FHIT: variants seen among roughly 807,000 people sequenced by gnomAD.
FHIT encodes fragile histidine triad diadenosine triphosphatase.
Under a neutral mutation model 17.9 loss-of-function variants are expected in FHIT, and 19 were observed. The observed-to-expected ratio is 1.06, with a 90% CI of 0.74 to 1.56. The LOEUF (loss-of-function observed/expected upper bound fraction) is 1.56, where lower values mean the gene tolerates loss of function less well. FHIT is among the 40% of genes most tolerant of loss of function. FHIT has a pLI of 0.00. For missense variants in FHIT, 248 were observed against 189.2 expected, an observed-to-expected ratio of 1.31 and a Z score of -1.82; for synonymous variants, 81 against 69.7, an observed-to-expected ratio of 1.16 and a Z score of -0.81.
chr3:60,247,202 A>G (rs772817181), intron 5 of FHIT, among the ~76,000 whole-genome samples: 5 of 132,000 alleles, frequency 3.8e-5, no homozygotes, highest in Non-Finnish European at 4.8e-5. Context: ...CTATAAACCT[A>G]AAACTGTTCT....
chr3:60,284,936 T>C (rs961919196), intron 5 of FHIT, among the ~76,000 whole-genome samples: 1 of 152,200 alleles, frequency 6.6e-6, no homozygotes, highest in African/African-American at 2.4e-5. Flanking sequence ...TTTTGATTAT[T>C]GTACCACCAC....
intron 3 of FHIT, among the ~76,000 whole-genome samples, chr3:60,918,668 C>A (rs1390371184): frequency 6.6e-6 from 1 of 152,098 alleles, no homozygotes; most frequent in African/African-American, 2.4e-5. Context: ...ACAGCAGGGG[C>A]AGACACATAG....
chr3:60,200,821 A>G (rs1415408531), intron 5 of FHIT, among the ~76,000 whole-genome samples: 2 of 152,138 alleles, frequency 1.3e-5, no homozygotes, highest in Middle Eastern at 3.2e-3. Flanking sequence ...GACACCACAC[A>G]CTGGCATCTA....
intron 5 of FHIT, among the ~76,000 whole-genome samples, chr3:60,419,796 G>T (rs1482775898): frequency 6.6e-6 from 1 of 152,116 alleles, no homozygotes; most frequent in Non-Finnish European, 1.5e-5. Flanking sequence ...CTTTAAAAAG[G>T]TATCAATTAG....
In FHIT at chr3:60,831,389, A is replaced by C. The variant is rs557618657; in HGVS notation, c.-110-9378T>G. 4.6e-5 allele frequency among the ~76,000 whole-genome samples: 7 copies of C among 152,318 alleles called. No individual in the cohort carries two copies. The East Asian group carries it at 1.2e-3, about 25-fold the overall frequency. Reference sequence around the variant, plus strand: ...GCCAATTACTTCAGCACCAAGGTACATCCTAAATCTCTGGACTTGGCAGTT... The same window carrying C: ...GCCAATTACTTCAGCACCAAGGTACCTCCTAAATCTCTGGACTTGGCAGTT... On this transcript the variant is annotated intron_variant, in intron 3 of 9. Coordinates refer to ENST00000492590, the MANE Select transcript of FHIT (RefSeq NM_002012.4).
chr3:60,256,796 A>AT (rs1706017645), intron 5 of FHIT, among the ~76,000 whole-genome samples: 1 of 152,108 alleles, frequency 6.6e-6, no homozygotes, highest in Non-Finnish European at 1.5e-5. Context: ...AATCTCCTTA[A>AT]TATCTCTAGT....
intron 8 of FHIT, among the ~76,000 whole-genome samples, chr3:59,795,379 G>A (rs539635364): frequency 9.1e-6 from 1 of 109,618 alleles, no homozygotes; most frequent in South Asian, 3.2e-4. Context: ...GCAAGACCCT[G>A]TCTCGAAAAA....
rs978335958 is a variant in FHIT, at chr3:60,556,765, A to T, written c.-17-19786T>A. 2.4e-4 allele frequency among the ~76,000 whole-genome samples: 37 copies of T among 152,214 alleles called. 1 individual carries two copies. The highest frequency in any genetic ancestry group is 8.7e-4 in the African/African-American group (36 of 41,466). On this transcript the variant is annotated intron_variant, in intron 4 of 9. Coordinates refer to ENST00000492590, the MANE Select transcript of FHIT (RefSeq NM_002012.4). The stretch of plus-strand genomic sequence containing the variant: ...GGTAGAGAAGAGGAGCAGTGGCATC[A>T]CCTAGGTGTGTAACGCTGCCTTTGT...
chr3:59,848,791 G>C (rs189783265), intron 8 of FHIT, among the ~76,000 whole-genome samples: 2 of 152,232 alleles, frequency 1.3e-5, no homozygotes, highest in African/African-American at 4.8e-5. Flanking sequence ...AGCTCTACCA[G>C]AATAGCATTA....
intron 4 of FHIT, among the ~76,000 whole-genome samples, chr3:60,805,552 TTTTA>T (rs1476540947): frequency 6.6e-6 from 1 of 151,988 alleles, no homozygotes; most frequent in Admixed American, 6.6e-5. Flanking sequence ...TTTATTTTTA[TTTTA>T]TTTATTTATT....
intron 5 of FHIT, among the ~76,000 whole-genome samples, chr3:60,281,857 AC>A (rs1469691951): frequency 4.6e-5 from 7 of 152,170 alleles, no homozygotes; most frequent in Admixed American, 1.3e-4. Flanking sequence ...CTTTTGCTCT[AC>A]AAAAAATACT....
chr3:60,874,529 T>A (rs1303661564), intron 3 of FHIT, among the ~76,000 whole-genome samples: 3 of 152,180 alleles, frequency 2.0e-5, no homozygotes, highest in Non-Finnish European at 4.4e-5. Context: ...ATGTAGTCAT[T>A]AGCTTACCTT....
chr3:61,215,223 C>T (rs1438078542), intron 1 of FHIT, among the ~76,000 whole-genome samples: 2 of 151,974 alleles, frequency 1.3e-5, no homozygotes, highest in Non-Finnish European at 2.9e-5. Flanking sequence ...GACAAATTGT[C>T]CCTGTTTGCA....
chr3:60,635,855 C>A (rs551149624), intron 4 of FHIT, among the ~76,000 whole-genome samples: 38 of 152,114 alleles, frequency 2.5e-4, no homozygotes, highest in Non-Finnish European at 7.4e-5. Context: ...CCTTTGTGAG[C>A]CACATATATA....
chr3:60,222,046 G>A (rs1417601456), intron 5 of FHIT, among the ~76,000 whole-genome samples: 1 of 152,094 alleles, frequency 6.6e-6, no homozygotes, highest in East Asian at 1.9e-4. Flanking sequence ...GATACTGGTA[G>A]GCAGTAAGTG....
chr3:59,839,390 T>A (rs1701452896), intron 8 of FHIT, among the ~76,000 whole-genome samples: 1 of 151,842 alleles, frequency 6.6e-6, no homozygotes, highest in Non-Finnish European at 1.5e-5. Flanking sequence ...AGGCTTTCCA[T>A]AATTATTTCA....
chr3:59,979,879 T>C (rs996752845), intron 7 of FHIT, among the ~76,000 whole-genome samples: 1 of 152,148 alleles, frequency 6.6e-6, no homozygotes, highest in Non-Finnish European at 1.5e-5. Flanking sequence ...ACTTTCTTAA[T>C]GGGAGACTGA....
rs374747176 is a variant in FHIT at position 60,842,621 on chromosome 3, ATATGAGTG to A, written c.-110-20618_-110-20611del. ...TGAGTGTATATATATATACATATAT[ATATGAGTG>A]TATATATATATATATATTTTTTTTT... On this transcript the variant is annotated intron_variant, in intron 3 of 9. Transcript: ENST00000492590. Among the ~76,000 whole-genome samples the A allele has an allele frequency of 6.3e-4, 68 of 108,628 alleles. 5 individuals are homozygous for A. The highest frequency in any genetic ancestry group is 8.5e-4 in the African/African-American group (22 of 25,758). 71.3% of individuals were successfully genotyped at this position (108,628 alleles called of 152,430 possible). A position where few individuals can be genotyped will look rare whatever the true frequency, so the allele number is the denominator to read the frequency against.
chr3:60,556,926 G>T (rs531659927), intron 4 of FHIT, among the ~76,000 whole-genome samples: 5 of 152,280 alleles, frequency 3.3e-5, no homozygotes, highest in Admixed American at 6.5e-5. Flanking sequence ...CTGAAAACAG[G>T]ACTTGGAGGT....
Sources: allele counts gnomAD v4.1 joint callset (sites outside exome capture counted in the v4.1 genomes callset), GRCh38; gene constraint gnomAD v4.1.1; transcripts MANE v1.5; gene names NCBI Gene and HGNC (gene_info 2026-07-23, HGNC 2026-07-21).